XXYLT1: variants seen among roughly 807,000 people sequenced by gnomAD.
The protein encoded by XXYLT1 is xyloside xylosyltransferase 1, also known as UDP-xylose:alpha-xyloside alpha-1,3-xylosyltransferase.
A neutral mutation model predicts 28.9 loss-of-function variants in XXYLT1; 20 were observed. The observed-to-expected ratio is 0.69, with a 90% CI of 0.49 to 1.00. The LOEUF is 1.00. XXYLT1 is among the 50% of genes least tolerant of loss of function. The probability of loss-of-function intolerance (pLI) is 0.00; values close to 1 mark genes in which losing one functional copy is unlikely to be tolerated. For missense variants in XXYLT1, 542 were observed against 560.1 expected (o/e 0.97, Z 0.33); for synonymous variants, 257 against 253.8 (o/e 1.01, Z -0.12).
At chr3:195,100,093 G>A (rs1266673493) in intron 3 of XXYLT1, among the ~76,000 whole-genome samples, 1 of 152,102 alleles carries the variant, frequency 6.6e-6, no homozygotes, top group African/African-American at 2.4e-5. Context: ...GGAACTTCCA[G>A]TCCCTGCATA....
In XXYLT1 at chr3:195,083,622, C is replaced by T. The variant is rs115176416; in HGVS notation, c.786-13511G>A. Among the ~76,000 whole-genome samples, 635 of 152,284 alleles carry T rather than the reference C, an allele frequency of 4.2e-3. 6 individuals carry two copies. Among genetic ancestry groups the T allele is most frequent in the South Asian group, 0.021 (100 of 4,822 alleles). On this transcript the variant is annotated intron_variant, in intron 3 of 3. Coordinates refer to ENST00000310380, the MANE Select transcript of XXYLT1 (RefSeq NM_152531.5). ...AGGAGGAGGAGAAGAACACCTCTCCCCATTCACAGGAATCATTACCCAGCT... is the reference window on the plus strand; with the variant it reads ...AGGAGGAGGAGAAGAACACCTCTCCTCATTCACAGGAATCATTACCCAGCT...
intron 2 of XXYLT1, among the ~76,000 whole-genome samples, chr3:195,160,401 A>T (rs61218008): frequency 6.6e-6 from 1 of 152,104 alleles, no homozygotes; most frequent in East Asian, 1.9e-4. Flanking sequence ...ACTGCAGAGC[A>T]TCAGCCCAAA....
At chr3:195,197,326 A>G (rs1345418642) in intron 2 of XXYLT1, among the ~76,000 whole-genome samples, 1 of 151,794 alleles carries the variant, frequency 6.6e-6, no homozygotes, top group Non-Finnish European at 1.5e-5. Flanking sequence ...AGTCCCAGCT[A>G]CTCGGGAGGC....
chr3:195,093,678 A>C (rs953405163), intron 3 of XXYLT1: 14 of 149,118 alleles, frequency 9.4e-5, no homozygotes, highest in African/African-American at 3.5e-4. Context: ...CTTAAAGTAT[A>C]ATAAAAAAAT....
intron 3 of XXYLT1, among the ~76,000 whole-genome samples, chr3:195,128,673 C>T (rs902300471): frequency 7.2e-5 from 11 of 152,200 alleles, no homozygotes; most frequent in African/African-American, 2.7e-4. Context: ...TGCTTTCCTT[C>T]CAATATGTCA....
At chr3:195,088,074 A>T (rs1046468192) in intron 3 of XXYLT1, among the ~76,000 whole-genome samples, 1 of 151,980 alleles carries the variant, frequency 6.6e-6, no homozygotes, top group African/African-American at 2.4e-5. Context: ...CAGCGGTCTG[A>T]GATCAAACTG....
At chr3:195,204,137 G>A (rs1283291314) in intron 2 of XXYLT1, among the ~76,000 whole-genome samples, 1 of 152,162 alleles carries the variant, frequency 6.6e-6, no homozygotes, top group Non-Finnish European at 1.5e-5. Context: ...GAGGTCAGGA[G>A]TGCGAGACCA....
intron 3 of XXYLT1, among the ~76,000 whole-genome samples, chr3:195,146,246 T>C (rs1256567144): frequency 2.0e-5 from 3 of 152,264 alleles, no homozygotes; most frequent in Admixed American, 1.3e-4. Flanking sequence ...AGGTCCCTCT[T>C]GTACACATGC....
At chr3:195,149,517 C>G (rs1316727458) in intron 3 of XXYLT1, among the ~76,000 whole-genome samples, 1 of 152,216 alleles carries the variant, frequency 6.6e-6, no homozygotes, top group Non-Finnish European at 1.5e-5. Context: ...CCAAACACCC[C>G]ACGCACGGGG....
At chr3:195,106,692 G>A (rs901833681) in intron 3 of XXYLT1, among the ~76,000 whole-genome samples, 1 of 152,242 alleles carries the variant, frequency 6.6e-6, no homozygotes, top group Non-Finnish European at 1.5e-5. Flanking sequence ...GCTGGGGTGG[G>A]GGGCTGGCCA....
intron 1 of XXYLT1, among the ~76,000 whole-genome samples, chr3:195,249,355 A>T (rs1397739531): frequency 1.3e-5 from 2 of 152,260 alleles, no homozygotes; most frequent in Non-Finnish European, 2.9e-5. Flanking sequence ...AAACAGGCAT[A>T]GGGCTCACAT....
intron 3 of XXYLT1, among the ~76,000 whole-genome samples, chr3:195,084,002 G>A (rs938532314): frequency 4.6e-5 from 7 of 152,084 alleles, no homozygotes; most frequent in African/African-American, 1.7e-4. Context: ...CTCCAGCCTG[G>A]GTGACAGTGA....
At chr3:195,108,245 C>T (rs1283429360) in intron 3 of XXYLT1, among the ~76,000 whole-genome samples, 1 of 152,232 alleles carries the variant, frequency 6.6e-6, no homozygotes, top group African/African-American at 2.4e-5. Flanking sequence ...TTACAACCAG[C>T]TAGGCATAAA....
chr3:195,113,594 C>G (rs1251658023), intron 3 of XXYLT1, among the ~76,000 whole-genome samples: 4 of 152,124 alleles, frequency 2.6e-5, no homozygotes, highest in Non-Finnish European at 4.4e-5. Flanking sequence ...TGTTAGAATC[C>G]TTTTTCTCTT....
rs76696408 is a variant in XXYLT1 at position 195,097,743 on chromosome 3, G to A, written c.786-27632C>T. Reference sequence around the variant, plus strand: ...ATAAAACCCAGCCCTGAGCACCTCCGCTGGGACCACACAACTGCTTCTGAT... The same window carrying A: ...ATAAAACCCAGCCCTGAGCACCTCCACTGGGACCACACAACTGCTTCTGAT... On this transcript the variant is annotated intron_variant, in intron 3 of 3. Coordinates refer to ENST00000310380, the MANE Select transcript of XXYLT1 (RefSeq NM_152531.5). Among the ~76,000 whole-genome samples, 1,194 of 152,266 alleles carry A rather than the reference G, an allele frequency of 7.8e-3. 9 individuals are homozygous for A. The highest frequency in any genetic ancestry group is 0.012 in the Non-Finnish European group (816 of 68,028).
At position 195,088,341 on chromosome 3, in the gene XXYLT1, A is replaced by G. The variant is rs1478739681; in HGVS notation, c.786-18230T>C. Among the ~76,000 whole-genome samples the G allele has an allele frequency of 1.7e-4, 26 of 148,792 alleles. No individual in the cohort carries two copies. The South Asian group carries it at 4.2e-3, about 24-fold the overall frequency. ...CCCAGCACGCAGCTGGAGATCTGAG[A>G]ACGGGCAGACTGCCTCCTCAAGTGG... On this transcript the variant is annotated intron_variant, in intron 3 of 3. Coordinates refer to ENST00000310380, the MANE Select transcript of XXYLT1 (RefSeq NM_152531.5).
chr3:195,083,115 T>C (rs1715530251), intron 3 of XXYLT1, among the ~76,000 whole-genome samples: 1 of 152,232 alleles, frequency 6.6e-6, no homozygotes, highest in African/African-American at 2.4e-5. Flanking sequence ...CCCCAGCGTC[T>C]CTTCCTGAGT....
At chr3:195,138,181 T>C (rs1233440711) in intron 3 of XXYLT1, among the ~76,000 whole-genome samples, 2 of 152,170 alleles carry the variant, frequency 1.3e-5, no homozygotes, top group Non-Finnish European at 2.9e-5. Context: ...GAAATTTAAG[T>C]GATTTGGTTT....
intron 2 of XXYLT1, among the ~76,000 whole-genome samples, chr3:195,182,936 T>C (rs183644371): frequency 1.3e-5 from 2 of 152,324 alleles, no homozygotes; most frequent in Admixed American, 6.5e-5. Context: ...CCTAAATCTA[T>C]AAAGAAGATT....
Sources: allele counts gnomAD v4.1 joint callset (sites outside exome capture counted in the v4.1 genomes callset), GRCh38; gene constraint gnomAD v4.1.1; transcripts MANE v1.5; gene names NCBI Gene and HGNC (gene_info 2026-07-23, HGNC 2026-07-21).